The following CCSER1 variants were observed in gnomAD, a reference collection of about 807,000 sequenced individuals.
CCSER1 encodes the protein serine-rich coiled-coil domain-containing protein 1.
A neutral mutation model predicts 82.0 loss-of-function variants in CCSER1; 41 were observed. The ratio of observed to expected loss-of-function variants is 0.50; its 90% CI spans 0.39 to 0.65. The LOEUF (loss-of-function observed/expected upper bound fraction) is 0.65, where lower values mean the gene tolerates loss of function less well. CCSER1 is among the 30% of genes least tolerant of loss of function. The pLI is 0.00. For missense variants in CCSER1, 1,119 were observed against 1,064.2 expected (o/e 1.05, Z -0.72); for synonymous variants, 414 against 383.9 (o/e 1.08, Z -0.92).
chr4:90,610,651 C>G (rs1169852817), intron 5 of CCSER1, among the ~76,000 whole-genome samples: 1 of 151,994 alleles, frequency 6.6e-6, no homozygotes, highest in Non-Finnish European at 1.5e-5. Context: ...GAAGTCAAAT[C>G]AATAATTAAG....
intron 1 of CCSER1, among the ~76,000 whole-genome samples, chr4:90,214,803 A>G (rs1740718573): frequency 6.6e-6 from 1 of 152,224 alleles, no homozygotes; most frequent in African/African-American, 2.4e-5. Flanking sequence ...GAGAGGTTAA[A>G]GGATTCCCTT....
intron 9 of CCSER1, among the ~76,000 whole-genome samples, chr4:90,947,106 A>G (rs187539788): frequency 1.3e-5 from 2 of 152,302 alleles, no homozygotes; most frequent in African/African-American, 4.8e-5. Context: ...CTCATATTTC[A>G]TTGATCAAAA....
chr4:91,304,221 T>G (rs1341398828), intron 10 of CCSER1, among the ~76,000 whole-genome samples: 1 of 152,036 alleles, frequency 6.6e-6, no homozygotes, highest in Admixed American at 6.6e-5. Context: ...ATTCAAAATT[T>G]TATTGAAAGC....
chr4:90,542,071 TC>T (rs1313418152), intron 5 of CCSER1, among the ~76,000 whole-genome samples: 1 of 152,106 alleles, frequency 6.6e-6, no homozygotes, highest in Non-Finnish European at 1.5e-5. Context: ...GTCATACGAC[TC>T]AATATTTCAA....
intron 9 of CCSER1, among the ~76,000 whole-genome samples, chr4:91,077,862 G>C (rs1722177723): frequency 6.6e-6 from 1 of 152,194 alleles, no homozygotes; most frequent in Non-Finnish European, 1.5e-5. Context: ...ACAGCAGTCT[G>C]ACATAGAACT....
chr4:91,548,528 T>C (rs1761999518), intron 10 of CCSER1, among the ~76,000 whole-genome samples: 1 of 151,922 alleles, frequency 6.6e-6, no homozygotes, highest in African/African-American at 2.4e-5. Flanking sequence ...TAACATTTTT[T>C]TGCTAGGTAA....
chr4:90,935,292 C>T (rs1730792628), intron 9 of CCSER1, among the ~76,000 whole-genome samples: 1 of 151,952 alleles, frequency 6.6e-6, no homozygotes, highest in Admixed American at 6.6e-5. Flanking sequence ...TGAGTTCTCA[C>T]TCTATGAGTT....
At chr4:90,730,705 A>T (rs1018667084) in intron 7 of CCSER1, among the ~76,000 whole-genome samples, 18 of 152,180 alleles carry the variant, frequency 1.2e-4, no homozygotes, top group African/African-American at 4.3e-4. Flanking sequence ...TTGATTATGG[A>T]ACATTTTAGT....
intron 10 of CCSER1, among the ~76,000 whole-genome samples, chr4:91,573,415 T>C (rs531086296): frequency 3.9e-5 from 6 of 152,242 alleles, no homozygotes; most frequent in African/African-American, 1.4e-4. Context: ...ACCTCCTACT[T>C]TGCTGGAAAG....
chr4:90,145,795 C>T (rs1204904519), intron 1 of CCSER1, among the ~76,000 whole-genome samples: 1 of 151,946 alleles, frequency 6.6e-6, no homozygotes, highest in African/African-American at 2.4e-5. Flanking sequence ...AGCATCCTTG[C>T]CTAATATGTG....
intron 5 of CCSER1, among the ~76,000 whole-genome samples, chr4:90,560,735 TTAA>T (rs1560720142): frequency 6.6e-6 from 1 of 151,986 alleles, no homozygotes; most frequent in Admixed American, 6.6e-5. Context: ...TTGAGCAACA[TTAA>T]TAATAATATT....
intron 10 of CCSER1, among the ~76,000 whole-genome samples, chr4:91,345,836 TC>T (rs1748018490): frequency 1.3e-5 from 2 of 152,134 alleles, no homozygotes; most frequent in African/African-American, 4.8e-5. Flanking sequence ...CTCCTATTCA[TC>T]CTTTCCCCTC....
At chr4:90,246,698 A>G (rs1721464955) in intron 1 of CCSER1, among the ~76,000 whole-genome samples, 1 of 152,198 alleles carries the variant, frequency 6.6e-6, no homozygotes, top group African/African-American at 2.4e-5. Flanking sequence ...ATATGTACCT[A>G]TGATAAAGTT....
intron 10 of CCSER1, among the ~76,000 whole-genome samples, chr4:91,471,763 A>G (rs1757285830): frequency 6.6e-6 from 1 of 151,956 alleles, no homozygotes; most frequent in African/African-American, 2.4e-5. Context: ...AAAGAAGGAG[A>G]TCAAGACCAT....
At position 90,245,864 on chromosome 4, in the gene CCSER1, G is replaced by A. The variant is rs183147999; in HGVS notation, c.-41-62380G>A. Among the ~76,000 whole-genome samples the A allele has an allele frequency of 5.9e-5, 9 of 152,154 alleles. No homozygotes were observed. In the East Asian group the frequency reaches 1.7e-3, roughly 29 times the overall value. ...TCCAAGAACACATTATAAAATATTT[G>A]CAACCACAAGGAATCTAATAGCCTA... On this transcript the variant is annotated intron_variant, in intron 1 of 10. Coordinates refer to ENST00000509176, the MANE Select transcript of CCSER1 (RefSeq NM_001145065.2).
At chr4:90,861,818 GA>G (rs539551718) in intron 8 of CCSER1, among the ~76,000 whole-genome samples, 51 of 150,976 alleles carry the variant, frequency 3.4e-4, no homozygotes, top group Admixed American at 3.2e-3. Flanking sequence ...AGAAAATAGA[GA>G]AAATGAGATT....
rs544316200 is a variant in CCSER1, at chr4:90,610,939, C to T, written c.1725-17086C>T. Reference sequence around the variant, plus strand: ...TGTTGCCCAGGCTGGAGTGCAATAGCGTGATCTTGGCTCACTGCAACCTCC... The same window carrying T: ...TGTTGCCCAGGCTGGAGTGCAATAGTGTGATCTTGGCTCACTGCAACCTCC... On this transcript the variant is annotated intron_variant, in intron 5 of 10. Coordinates refer to ENST00000509176, the MANE Select transcript of CCSER1 (RefSeq NM_001145065.2). Among the ~76,000 whole-genome samples, 83 of 152,034 alleles carry T rather than the reference C, an allele frequency of 5.5e-4. No individual in the cohort carries two copies. In the South Asian group the frequency reaches 7.1e-3, roughly 13 times the overall value.
intron 9 of CCSER1, among the ~76,000 whole-genome samples, chr4:90,954,198 T>G (rs1393710195): frequency 6.6e-6 from 1 of 152,040 alleles, no homozygotes; most frequent in Non-Finnish European, 1.5e-5. Context: ...TGTGACTACA[T>G]GAAACAAAAT....
intron 10 of CCSER1, among the ~76,000 whole-genome samples, chr4:91,335,734 A>C (rs1049346184): frequency 9.2e-5 from 14 of 152,082 alleles, no homozygotes; most frequent in African/African-American, 3.4e-4. Context: ...GGGCAGTCAG[A>C]TCAGTGTGTT....
Sources: gnomAD v4.1 joint callset for allele counts (sites outside exome capture counted in the v4.1 genomes callset) on GRCh38, gnomAD v4.1.1 for gene constraint, MANE v1.5 for transcripts, NCBI Gene and HGNC (gene_info 2026-07-23, HGNC 2026-07-21) for gene names.